The following STK32B variants were observed in gnomAD, a reference collection of about 807,000 sequenced individuals.
STK32B encodes serine/threonine-protein kinase 32B.
Under a neutral mutation model 52.6 loss-of-function variants are expected in STK32B, and 43 were observed. The observed-to-expected ratio is 0.82, with a 90% CI of 0.64 to 1.05. STK32B has a LOEUF of 1.05. STK32B is among the 50% of genes least tolerant of loss of function. The probability of loss-of-function intolerance (pLI) is 0.00; values close to 1 mark genes in which losing one functional copy is unlikely to be tolerated. For synonymous variants in STK32B, 238 were observed against 204.3 expected (o/e 1.17, Z -1.41); for missense variants, 621 against 534.6 (o/e 1.16, Z -1.59).
At chr4:5,066,157 T>G (rs1742416426) in intron 1 of STK32B, among the ~76,000 whole-genome samples, 1 of 152,198 alleles carries the variant, frequency 6.6e-6, no homozygotes, top group African/African-American at 2.4e-5. Flanking sequence ...CCAAACTAAT[T>G]TTCTTCCAGA....
At chr4:5,446,884 G>C (rs1209409386) in intron 7 of STK32B, 108 bp downstream of exon 7, 1 of 1,034,416 alleles carries the variant, frequency 9.7e-7, no homozygotes, top group Non-Finnish European at 1.4e-6. Flanking sequence ...AGGAGCACTG[G>C]GGGAGTCACT....
At chr4:5,141,441 A>G in intron 2 of STK32B, among the ~76,000 whole-genome samples, 1 of 152,204 alleles carries the variant, frequency 6.6e-6, no homozygotes, top group East Asian at 1.9e-4. Context: ...AGGTCAGTGA[A>G]GTCGGCGAGG....
chr4:5,078,287 A>T (rs1712204246), intron 1 of STK32B, among the ~76,000 whole-genome samples: 1 of 152,202 alleles, frequency 6.6e-6, no homozygotes, highest in Non-Finnish European at 1.5e-5. Context: ...TCCTAGATCA[A>T]CAAGGATTCA....
chr4:5,490,971 CATT>C (rs1321157489), intron 11 of STK32B, among the ~76,000 whole-genome samples: 1 of 152,150 alleles, frequency 6.6e-6, no homozygotes, highest in African/African-American at 2.4e-5. Context: ...TCCAGTCTAT[CATT>C]GTTGGACATT....
intron 1 of STK32B, among the ~76,000 whole-genome samples, chr4:5,130,460 G>C (rs2108820482): frequency 6.6e-6 from 1 of 152,194 alleles, no homozygotes; most frequent in East Asian, 1.9e-4. Flanking sequence ...GGCTTGGGCT[G>C]TCGGCTTTGA....
chr4:5,115,691 G>T (rs181449448), intron 1 of STK32B, among the ~76,000 whole-genome samples: 67 of 152,128 alleles, frequency 4.4e-4, no homozygotes, highest in African/African-American at 1.4e-3. Context: ...CACAGGACAC[G>T]TCCTCAGGAG....
intron 11 of STK32B, among the ~76,000 whole-genome samples, chr4:5,490,094 T>C (rs1387168465): frequency 6.7e-6 from 1 of 149,822 alleles, no homozygotes; most frequent in Non-Finnish European, 1.5e-5. Context: ...AAGATCTTTT[T>C]GTTGTTTTAA....
At chr4:5,054,502 C>T (rs1440800826) in intron 1 of STK32B, among the ~76,000 whole-genome samples, 1 of 137,988 alleles carries the variant, frequency 7.2e-6, no homozygotes, top group Non-Finnish European at 1.5e-5. Context: ...AAAGAGTAAG[C>T]CTGGCTCATG....
At chr4:5,117,729 G>A (rs1483604295) in intron 1 of STK32B, among the ~76,000 whole-genome samples, 1 of 151,942 alleles carries the variant, frequency 6.6e-6, no homozygotes, top group African/African-American at 2.4e-5. Context: ...TTTTTTGAAG[G>A]ACTGAAATCT....
chr4:5,132,233 A>T, intron 1 of STK32B, among the ~76,000 whole-genome samples: 1 of 152,204 alleles, frequency 6.6e-6, no homozygotes, highest in East Asian at 1.9e-4. Flanking sequence ...TGCAGTGGAC[A>T]TTTGTGTGCA....
At chr4:5,286,126 T>C (rs1728524624) in intron 3 of STK32B, among the ~76,000 whole-genome samples, 2 of 152,152 alleles carry the variant, frequency 1.3e-5, no homozygotes, top group African/African-American at 4.8e-5. Context: ...TCCAGAACTA[T>C]GAGAAAATAA....
At chr4:5,139,742 C>T in intron 1 of STK32B, 163 bp from the exon 2 acceptor site, 3 of 673,886 alleles carry the variant, frequency 4.5e-6, no homozygotes, top group Non-Finnish European at 7.7e-6. Flanking sequence ...GAATGTGCTG[C>T]AAATTCCCCT....
At chr4:5,402,071 A>G (rs1208642563) in intron 5 of STK32B, among the ~76,000 whole-genome samples, 2 of 152,254 alleles carry the variant, frequency 1.3e-5, no homozygotes, top group African/African-American at 2.4e-5. Flanking sequence ...TGGTCTGCTC[A>G]TGGCCATAGC....
chr4:5,480,031 AG>A (rs1718557042), intron 11 of STK32B, among the ~76,000 whole-genome samples: 1 of 152,214 alleles, frequency 6.6e-6, no homozygotes, highest in South Asian at 2.1e-4. Context: ...TGTACTTCAT[AG>A]GATTGTCGTA....
chr4:5,454,365 T>C (rs3774825), intron 7 of STK32B, among the ~76,000 whole-genome samples: 13,743 of 152,142 alleles, frequency 0.09, 1,018 homozygotes, highest in East Asian at 0.4. Flanking sequence ...CTCCTGAGGC[T>C]GAGGGAAGGA....
At chr4:5,156,968 C>G (rs796413935) in intron 2 of STK32B, among the ~76,000 whole-genome samples, 2 of 151,780 alleles carry the variant, frequency 1.3e-5, no homozygotes, top group Non-Finnish European at 2.9e-5. Context: ...CAGGCTCTCA[C>G]AGCTGCATGT....
chr4:5,444,469 G>GTGCGCACACCCACTGACC (rs1461559332), intron 6 of STK32B, among the ~76,000 whole-genome samples: 2 of 152,162 alleles, frequency 1.3e-5, no homozygotes, highest in East Asian at 3.9e-4. Flanking sequence ...CTCGCGCACT[G>GTGCGCACACCCACTGACC]TGCGCACACC....
At chr4:5,243,321 T>A (rs1214870318) in intron 3 of STK32B, among the ~76,000 whole-genome samples, 3 of 152,170 alleles carry the variant, frequency 2.0e-5, no homozygotes, top group Non-Finnish European at 4.4e-5. Flanking sequence ...TTCCTAAGTA[T>A]TTTATTCTCT....
intron 3 of STK32B, among the ~76,000 whole-genome samples, chr4:5,280,260 T>C (rs1728105060): frequency 6.6e-6 from 1 of 152,220 alleles, no homozygotes; most frequent in Admixed American, 6.5e-5. Context: ...GGCACAATGC[T>C]ACCATTGTCT....
Sources: allele counts gnomAD v4.1 joint callset (sites outside exome capture counted in the v4.1 genomes callset), GRCh38; gene constraint gnomAD v4.1.1; transcripts MANE v1.5; gene names NCBI Gene and HGNC (gene_info 2026-07-23, HGNC 2026-07-21).